VWA3B: variants seen among roughly 807,000 people sequenced by gnomAD.
VWA3B encodes the protein von Willebrand factor A domain containing 3B.
A neutral mutation model predicts 158.3 loss-of-function variants in VWA3B; 138 were observed. The observed-to-expected ratio is 0.87, with a 90% confidence interval of 0.76 to 1.00. The LOEUF (loss-of-function observed/expected upper bound fraction) is 1.00, where lower values mean the gene tolerates loss of function less well. Ranked by LOEUF, VWA3B falls within the 50% of genes least tolerant of loss-of-function variation. The pLI is 0.00. For missense variants in VWA3B, 1,555 were observed against 1,565.1 expected (o/e 0.99, Z 0.11); for synonymous variants, 596 against 587.3 (o/e 1.01, Z -0.21).
At position 98,311,992 on chromosome 2, in the gene VWA3B, G is replaced by T; in HGVS notation, c.3695G>T (p.Ser1232Ile). The change falls in exon 27 of 28, where the codon AGC becomes ATC. Residue 1232 changes from serine (S) to isoleucine (I), a missense_variant. Ser to Ile is a moderately radical substitution (Grantham distance 142). Coordinates refer to ENST00000477737, the MANE Select transcript of VWA3B (RefSeq NM_144992.5). ...TCGGACGGCTCCTCCCACGGCATCA[G>T]CTCCCATGGGTCCTGCCAGGGGACA... The part of the protein sequence containing the change: ...SDSDGSSHGI[S>I]SHGSCQGTHP... 1 of 1,603,796 alleles carries T rather than the reference G, an allele frequency of 6.2e-7. No individual in the cohort carries two copies. The highest frequency in any genetic ancestry group is 1.3e-5 in the African/African-American group (1 of 74,790).
chr2:98,122,767 C>G (rs1288961849), intron 5 of VWA3B, among the ~76,000 whole-genome samples: 3 of 152,334 alleles, frequency 2.0e-5, no homozygotes, highest in African/African-American at 7.2e-5. Context: ...TGTTTCACTC[C>G]TTCTGGTTCG....
chr2:98,171,184 T>A (rs1483548100), intron 8 of VWA3B, among the ~76,000 whole-genome samples: 1 of 152,166 alleles, frequency 6.6e-6, no homozygotes, highest in Non-Finnish European at 1.5e-5. Context: ...TGGTAGGTGA[T>A]GATGTAATGG....
At chr2:98,089,710 C>T (rs1351241733) in intron 1 of VWA3B, among the ~76,000 whole-genome samples, 1 of 150,366 alleles carries the variant, frequency 6.7e-6, no homozygotes. Flanking sequence ...ACAAATATTC[C>T]ATTTGTATTT....
chr2:98,255,715 A>G (rs1334312901), intron 20 of VWA3B, among the ~76,000 whole-genome samples: 3 of 152,186 alleles, frequency 2.0e-5, no homozygotes, highest in Admixed American at 6.5e-5. Flanking sequence ...ATTATTTATG[A>G]CCCTGTTAAA....
intron 5 of VWA3B, among the ~76,000 whole-genome samples, chr2:98,124,897 T>A (rs1353869416): frequency 6.6e-6 from 1 of 152,150 alleles, no homozygotes; most frequent in Non-Finnish European, 1.5e-5. Flanking sequence ...GCAGAATGAA[T>A]GGCCCAGATA....
intron 8 of VWA3B, among the ~76,000 whole-genome samples, chr2:98,164,113 G>A (rs1439758878): frequency 6.6e-6 from 1 of 152,160 alleles, no homozygotes; most frequent in Admixed American, 6.5e-5. Flanking sequence ...GTCTGTGCAG[G>A]CAACCATCTG....
intron 1 of VWA3B, among the ~76,000 whole-genome samples, chr2:98,092,344 G>A (rs1313979696): frequency 1.3e-5 from 2 of 152,166 alleles, no homozygotes; most frequent in Admixed American, 1.3e-4. Context: ...GCAGTTTTCT[G>A]ATTATAAAAG....
At chr2:98,152,895 G>A (rs1303638137) in intron 7 of VWA3B, among the ~76,000 whole-genome samples, 2 of 152,218 alleles carry the variant, frequency 1.3e-5, no homozygotes, top group Admixed American at 6.5e-5. Flanking sequence ...ACACAAGGGA[G>A]AAGAGGAGGC....
intron 22 of VWA3B, among the ~76,000 whole-genome samples, chr2:98,286,628 G>A (rs796984256): frequency 1.1e-4 from 17 of 152,102 alleles, no homozygotes; most frequent in Admixed American, 7.2e-4. Context: ...GGACAAATCC[G>A]ACTTGGCCAT....
rs775480103 is a variant in VWA3B at position 98,115,652 on chromosome 2, A to T, written c.197A>T (p.Asp66Val). Reference sequence around the variant, plus strand: ...ATTGTTTTTCTTTATAAAAATGCAGATTATGTGGCGTCTCTGGGGAGACCT... The same window carrying T: ...ATTGTTTTTCTTTATAAAAATGCAGTTTATGTGGCGTCTCTGGGGAGACCT... ...LSQIGFPHCE[D>V]YVASLGRPVA... The change falls in exon 3 of 28, where the codon GAT (aspartate) becomes GTT (valine). Residue 66 changes from aspartate to valine, a missense_variant and splice_region_variant. By Grantham distance (152) the Asp-to-Val change is radical (BLOSUM62 -3). Coordinates refer to ENST00000477737, the MANE Select transcript of VWA3B (RefSeq NM_144992.5). 14 of 1,613,190 alleles carry T rather than the reference A, an allele frequency of 8.7e-6. No homozygotes were observed. The highest frequency in any genetic ancestry group is 1.7e-5 in the Admixed American group (1 of 59,984).
intron 22 of VWA3B, among the ~76,000 whole-genome samples, chr2:98,280,711 G>A (rs62157914): frequency 0.37 from 56,579 of 152,118 alleles, 11,447 homozygotes; most frequent in Non-Finnish European, 0.46. Context: ...CACGAGTTAT[G>A]CTATGCCCTG....
chr2:98,229,973 A>C, intron 15 of VWA3B, 77 bp from the exon 16 acceptor site: 1 of 1,463,392 alleles, frequency 6.8e-7, no homozygotes. Flanking sequence ...GAATGTATTG[A>C]CTTAACTCTG....
chr2:98,326,861 A>G, the VWA3B span, among the ~76,000 whole-genome samples: 1 of 152,224 alleles, frequency 6.6e-6, no homozygotes, highest in African/African-American at 2.4e-5. Context: ...CAATGCAGAC[A>G]GCCTCTAGAA....
At chr2:98,281,445 T>G (rs972948090) in intron 22 of VWA3B, among the ~76,000 whole-genome samples, 1 of 152,238 alleles carries the variant, frequency 6.6e-6, no homozygotes, top group Non-Finnish European at 1.5e-5. Context: ...GAGCTGCTGT[T>G]ACGACAATTA....
At chr2:98,207,807 G>T in intron 12 of VWA3B, 1 of 232,826 alleles carries the variant, frequency 4.3e-6, no homozygotes, top group Non-Finnish European at 8.6e-6. Context: ...ACAGCTTCAG[G>T]TTTCGGTGTA....
intron 8 of VWA3B, among the ~76,000 whole-genome samples, chr2:98,169,539 C>A (rs946914432): frequency 5.9e-5 from 9 of 152,132 alleles, no homozygotes; most frequent in African/African-American, 1.4e-4. Context: ...TCTAACCATA[C>A]GTATGTCAAA....
At chr2:98,106,895 A>C (rs1318989011) in intron 2 of VWA3B, among the ~76,000 whole-genome samples, 1 of 152,206 alleles carries the variant, frequency 6.6e-6, no homozygotes, top group Admixed American at 6.5e-5. Flanking sequence ...TTCCAGCACT[A>C]TGTTGAATAG....
Position 98,194,375 on chromosome 2 carries a change from T to C in VWA3B, c.1620T>C (p.Tyr540=). ...IIQFIQEQLK[Y]KSKFNFVKFD... ...GTCTCTTTTAGGAACAGCTGAAATATAAAAGTAAGTTTAACTTTGTGAAGT... is the reference window on the plus strand; with the variant it reads ...GTCTCTTTTAGGAACAGCTGAAATACAAAAGTAAGTTTAACTTTGTGAAGT... The change falls in exon 12 of 28, where the codon TAT becomes TAC. Residue 540 remains tyrosine (Y), a synonymous_variant. Transcript: ENST00000477737. 1 of 1,613,866 alleles carries C rather than the reference T, an allele frequency of 6.2e-7. No individual in the cohort carries two copies. The highest frequency in any genetic ancestry group is 8.5e-7 in the Non-Finnish European group (1 of 1,179,818).
At chr2:98,200,316 G>A (rs753007822) in intron 12 of VWA3B, among the ~76,000 whole-genome samples, 2 of 152,150 alleles carry the variant, frequency 1.3e-5, no homozygotes, top group South Asian at 4.1e-4. Context: ...GCCGAGGCAG[G>A]CAGATCATGA....
Sources: gnomAD v4.1 joint callset for allele counts (sites outside exome capture counted in the v4.1 genomes callset) on GRCh38, gnomAD v4.1.1 for gene constraint, MANE v1.5 for transcripts, NCBI Gene and HGNC (gene_info 2026-07-23, HGNC 2026-07-21) for gene names.